Variants in MYO9A observed in about 807,000 individuals in gnomAD.
The protein encoded by MYO9A is unconventional myosin-IXa.
MYO9A carries 103 observed loss-of-function variants against 293.3 expected under a neutral mutation model. The ratio of observed to expected loss-of-function variants is 0.35; its 90% confidence interval spans 0.30 to 0.41. The LOEUF (loss-of-function observed/expected upper bound fraction) is 0.41, where lower values mean the gene tolerates loss of function less well. Among genes scored for constraint, MYO9A ranks in the 10% least tolerant of loss-of-function variants. The pLI is 1.00. For synonymous variants in MYO9A, 1,001 were observed against 1,035.7 expected (o/e 0.97, Z 0.64); for missense variants, 2,685 against 3,033.0 (o/e 0.89, Z 2.69).
chr15:71,951,934 G>C, intron 14 of MYO9A, 38 bp from the exon 15 acceptor site: 1 of 1,552,266 alleles, frequency 6.4e-7, no homozygotes, highest in Non-Finnish European at 8.6e-7. Context: ...AAAAAAAGGA[G>C]AAAAGAAAAA....
At chr15:72,115,109 A>T (rs1031844819) in intron 1 of MYO9A, among the ~76,000 whole-genome samples, 1 of 152,262 alleles carries the variant, frequency 6.6e-6, no homozygotes, top group African/African-American at 2.4e-5. Context: ...TATATTAGAT[A>T]GTGAATCTCA....
At chr15:71,872,544 C>T (rs1025631278) in intron 32 of MYO9A, among the ~76,000 whole-genome samples, 13 of 152,086 alleles carry the variant, frequency 8.5e-5, no homozygotes, top group African/African-American at 2.9e-4. Flanking sequence ...TTGATCATTA[C>T]GCATTTTATT....
At chr15:71,865,282 T>C (rs2056284476) in intron 32 of MYO9A, among the ~76,000 whole-genome samples, 1 of 152,146 alleles carries the variant, frequency 6.6e-6, no homozygotes. Context: ...GCCAAAATCT[T>C]AATGAATAGT....
At chr15:71,859,464 T>A (rs1413207206) in intron 34 of MYO9A, among the ~76,000 whole-genome samples, 1 of 152,230 alleles carries the variant, frequency 6.6e-6, no homozygotes, top group East Asian at 1.9e-4. Context: ...CTCAATGCAG[T>A]GTTCTTCAAA....
At chr15:71,935,103 A>G (rs1392527478) in intron 17 of MYO9A, 2 of 393,484 alleles carry the variant, frequency 5.1e-6, no homozygotes, top group Non-Finnish European at 4.5e-6. Flanking sequence ...AAATATACTC[A>G]GTCATGATTC....
intron 12 of MYO9A, among the ~76,000 whole-genome samples, chr15:71,973,162 A>G (rs954066342): frequency 1.3e-5 from 2 of 152,116 alleles, no homozygotes; most frequent in African/African-American, 4.8e-5. Context: ...AGGGGCAACA[A>G]AGTACCTCTG....
chr15:71,892,874 T>G, intron 26 of MYO9A: 1 of 797,472 alleles, frequency 1.3e-6, no homozygotes, highest in Non-Finnish European at 1.7e-6. Flanking sequence ...AACCATTACA[T>G]GGGAAGAAGC....
intron 8 of MYO9A, among the ~76,000 whole-genome samples, chr15:72,003,757 T>C (rs2076940804): frequency 6.7e-6 from 1 of 149,014 alleles, no homozygotes; most frequent in African/African-American, 2.5e-5. Flanking sequence ...AAATATCCAA[T>C]ACATCATTTT....
At chr15:71,862,436 GA>G in intron 33 of MYO9A, 63 bp downstream of exon 33, 1 of 1,280,856 alleles carries the variant, frequency 7.8e-7, no homozygotes, top group Non-Finnish European at 1.1e-6. Flanking sequence ...GGAGATATAA[GA>G]CAACTCAAGG....
chr15:71,916,408 T>G lies in MYO9A; in HGVS notation c.2647A>C (p.Lys883Gln). The G allele has an allele frequency of 2.5e-6, 4 of 1,613,568 alleles. No homozygotes were observed. Among genetic ancestry groups the G allele is most frequent in the Non-Finnish European group, 3.4e-6 (4 of 1,179,840 alleles). ...RITKSLLHLHKKKKPPSISAQ... is the reference protein window; with the variant it reads ...RITKSLLHLHQKKKPPSISAQ... ...CTGATGCTGGGAGGTTTTTTCTTCT[T>G]GTGTAAATGAAGAAGAGACTTGGTA... Residue 883 changes from lysine (K) to glutamine (Q), a missense_variant, in exon 19 of 42, where the codon AAG (lysine) becomes CAG (glutamine). By Grantham distance (53) the Lys-to-Gln change is moderately conservative. This residue lies in a region of MYO9A where 1,434 missense variants were observed against 1,497.7 expected (regional missense o/e 0.96). Transcript: ENST00000356056.
chr15:71,957,304 T>C (rs1033123947), intron 14 of MYO9A, among the ~76,000 whole-genome samples: 3 of 152,134 alleles, frequency 2.0e-5, no homozygotes, highest in African/African-American at 7.2e-5. Context: ...CTGGGAGCCT[T>C]TGATTAAATT....
intron 8 of MYO9A, among the ~76,000 whole-genome samples, chr15:72,001,061 T>C (rs559254893): frequency 2.0e-5 from 3 of 152,298 alleles, no homozygotes; most frequent in South Asian, 2.1e-4. Context: ...TTTTTACCAA[T>C]ATGCTCTCTC....
intron 19 of MYO9A, among the ~76,000 whole-genome samples, chr15:71,912,957 G>T (rs1271869536): frequency 6.7e-6 from 1 of 149,842 alleles, no homozygotes; most frequent in African/African-American, 2.4e-5. Context: ...ATGTGTCTTG[G>T]TGTGTTTTTG....
At chr15:71,992,379 G>A (rs2076566125) in intron 10 of MYO9A, among the ~76,000 whole-genome samples, 2 of 152,138 alleles carry the variant, frequency 1.3e-5, no homozygotes, top group South Asian at 4.1e-4. Flanking sequence ...TTGGTTAAAT[G>A]AAAATAATTT....
intron 6 of MYO9A, among the ~76,000 whole-genome samples, chr15:72,017,988 AG>A (rs1236143922): frequency 6.6e-6 from 1 of 152,192 alleles, no homozygotes; most frequent in Admixed American, 6.5e-5. Flanking sequence ...GCACTTTGAC[AG>A]GCCAAGGCAA....
chr15:71,896,731 G>A (rs992524482), intron 25 of MYO9A, among the ~76,000 whole-genome samples: 1 of 150,794 alleles, frequency 6.6e-6, no homozygotes, highest in Non-Finnish European at 1.5e-5. Flanking sequence ...AGTTAGCTGA[G>A]ATCACACCAC....
At chr15:71,941,847 T>C (rs1299761562) in intron 15 of MYO9A, among the ~76,000 whole-genome samples, 1 of 152,092 alleles carries the variant, frequency 6.6e-6, no homozygotes, top group African/African-American at 2.4e-5. Flanking sequence ...CCTAAGAACA[T>C]GGAACATCTT....
rs1488008398 is a variant in MYO9A at position 71,822,663 on chromosome 15, G to C, written c.*3917C>G. 2 of 152,118 alleles carry C rather than the reference G, an allele frequency of 1.3e-5. No homozygotes were observed. Among genetic ancestry groups the C allele is most frequent in the South Asian group, 2.1e-4 (1 of 4,826 alleles). 9.4% of individuals were successfully genotyped at this position (152,118 alleles called of 1,614,324 possible). A position where few individuals can be genotyped will look rare whatever the true frequency, so the allele number is the denominator to read the frequency against. ...CATTAAAATAATATAATACGAATCT[G>C]TAGTCCACACCTTTCCCATAGTAAA... On this transcript the variant is annotated 3_prime_UTR_variant, in exon 42 of 42. Coordinates refer to ENST00000356056, the MANE Select transcript of MYO9A (RefSeq NM_006901.4).
At chr15:72,010,026 C>A (rs2077127740) in intron 7 of MYO9A, among the ~76,000 whole-genome samples, 1 of 151,824 alleles carries the variant, frequency 6.6e-6, no homozygotes, top group Non-Finnish European at 1.5e-5. Context: ...CTGATATATA[C>A]AAAATGAAGA....
Sources: allele counts gnomAD v4.1 joint callset (sites outside exome capture counted in the v4.1 genomes callset), GRCh38; gene constraint gnomAD v4.1.1; regional missense constraint gnomAD v4.1.1; transcripts MANE v1.5; gene names NCBI Gene and HGNC (gene_info 2026-07-23, HGNC 2026-07-21).